Variants in ENOX2 observed in about 807,000 individuals in gnomAD.
The protein encoded by ENOX2 is ecto-NOX disulfide-thiol exchanger 2, also known as APK1 antigen.
ENOX2 carries 36 observed loss-of-function variants against 45.0 expected under a neutral mutation model. The ratio of observed to expected loss-of-function variants is 0.80; its 90% CI spans 0.61 to 1.06. ENOX2 has a LOEUF of 1.06. Among genes scored for constraint, ENOX2 ranks in the 50% least tolerant of loss-of-function variants. The pLI is 0.00. For synonymous variants in ENOX2, 174 were observed against 152.3 expected (o/e 1.14, Z -1.05); for missense variants, 423 against 462.5 (o/e 0.91, Z 0.78).
At chrX:130,895,973 C>CA (rs1189489953) in intron 2 of ENOX2, among the ~76,000 whole-genome samples, 1 of 112,446 alleles carries the variant, frequency 8.9e-6, no homozygotes, top group Non-Finnish European at 1.9e-5. Flanking sequence ...AAACAAATAG[C>CA]AAAAAGCAAT....
chrX:130,644,089 T>C (rs756860950), intron 10 of ENOX2, among the ~76,000 whole-genome samples: 1 of 111,936 alleles, frequency 8.9e-6, no homozygotes, highest in Admixed American at 9.4e-5. Context: ...AAGTAACACA[T>C]AGATTAAAAA....
intron 7 of ENOX2, among the ~76,000 whole-genome samples, chrX:130,669,259 GCTA>G: frequency 8.9e-6 from 1 of 112,109 alleles, no homozygotes; most frequent in South Asian, 3.8e-4. Context: ...CTGGATTTGA[GCTA>G]CTAAGACAGG....
At chrX:130,858,765 T>C (rs778396429) in intron 2 of ENOX2, among the ~76,000 whole-genome samples, 1 of 112,027 alleles carries the variant, frequency 8.9e-6, no homozygotes, top group South Asian at 3.7e-4. Flanking sequence ...ATGCTTCTCC[T>C]GCATCTGAGA....
intron 3 of ENOX2, among the ~76,000 whole-genome samples, chrX:130,726,424 C>A (rs1370229162): frequency 8.9e-6 from 1 of 112,408 alleles, no homozygotes; most frequent in Non-Finnish European, 1.9e-5. Context: ...TTACAGGCTT[C>A]TTCAATTTTC....
At chrX:130,777,360 G>A (rs947760746) in intron 3 of ENOX2, among the ~76,000 whole-genome samples, 1 of 109,276 alleles carries the variant, frequency 9.2e-6, no homozygotes, top group African/African-American at 3.3e-5. Context: ...TTATCCAGGT[G>A]TGGTGGTGCA....
intron 2 of ENOX2, among the ~76,000 whole-genome samples, chrX:130,819,445 T>C (rs761325164): frequency 4.5e-5 from 5 of 112,082 alleles, no homozygotes; most frequent in Admixed American, 1.9e-4. Context: ...TGCAGCACTA[T>C]TGACAATAGC....
chrX:130,649,043 C>CAA (rs35154919), intron 10 of ENOX2, among the ~76,000 whole-genome samples: 390 of 6,800 alleles, frequency 0.057, 95 homozygotes, highest in Non-Finnish European at 0.083. Context: ...GACTCCATAT[C>CAA]AAAAAAAAAA....
chrX:130,855,558 AT>A (rs1176968486), intron 2 of ENOX2, among the ~76,000 whole-genome samples: 2 of 111,248 alleles, frequency 1.8e-5, no homozygotes, highest in Non-Finnish European at 3.8e-5. Context: ...TCCCAGCAAG[AT>A]TTTTTTTCAG....
At chrX:130,874,995 G>C (rs1311357655) in intron 2 of ENOX2, among the ~76,000 whole-genome samples, 2 of 111,759 alleles carry the variant, frequency 1.8e-5, no homozygotes, top group Non-Finnish European at 3.8e-5. Flanking sequence ...CCAATCAAAT[G>C]CAAGAAGTGT....
At chrX:130,885,179 T>C (rs780276192) in intron 2 of ENOX2, among the ~76,000 whole-genome samples, 1 of 112,317 alleles carries the variant, frequency 8.9e-6, no homozygotes, top group Non-Finnish European at 1.9e-5. Flanking sequence ...TATCCAAGAA[T>C]ACATTTTTCA....
intron 2 of ENOX2, among the ~76,000 whole-genome samples, chrX:130,792,533 G>A (rs1453229107): frequency 8.9e-6 from 1 of 112,460 alleles, no homozygotes; most frequent in Admixed American, 9.4e-5. Context: ...AGTGGCTCAC[G>A]CCTGTAATCC....
At chrX:130,788,688 G>C (rs769089162) in intron 2 of ENOX2, among the ~76,000 whole-genome samples, 1 of 112,208 alleles carries the variant, frequency 8.9e-6, no homozygotes, top group African/African-American at 3.2e-5. Flanking sequence ...ATTGTCCAAA[G>C]TCTTACGCAT....
At position 130,698,328 on chromosome X, in the gene ENOX2, G is replaced by A. The variant is rs781170375; in HGVS notation, c.97+4792C>T. ...TGTCCAAACCAAATGATGACGCCTC[G>A]GTCTTTTTTTTTTTAAAGGATGACC... is the stretch of plus-strand genomic sequence containing the variant. On this transcript the variant is annotated intron_variant, in intron 4 of 14. Coordinates refer to ENST00000394363, the MANE Select transcript of ENOX2 (RefSeq NM_006375.4). Among the ~76,000 whole-genome samples the A allele has an allele frequency of 2.7e-5, 3 of 109,414 alleles. No homozygotes were observed. The South Asian group carries it at 1.2e-3, about 44-fold the overall frequency.
intron 4 of ENOX2, among the ~76,000 whole-genome samples, chrX:130,694,063 G>T (rs2037687558): frequency 9.0e-6 from 1 of 111,600 alleles, no homozygotes; most frequent in Non-Finnish European, 1.9e-5. Flanking sequence ...TATCCCAGTT[G>T]ATATCATATA....
intron 3 of ENOX2, among the ~76,000 whole-genome samples, chrX:130,759,362 C>T (rs1444536858): frequency 9.2e-6 from 1 of 109,017 alleles, no homozygotes; most frequent in African/African-American, 3.3e-5. Flanking sequence ...GAGGCCGAGG[C>T]GGTTGGACCA....
At chrX:130,892,118 G>C (rs762398086) in intron 2 of ENOX2, among the ~76,000 whole-genome samples, 142 of 112,000 alleles carry the variant, frequency 1.3e-3, no homozygotes, top group African/African-American at 4.3e-3. Flanking sequence ...ACCGATGAAA[G>C]CTATCCTTGT....
Position 130,644,656 on chromosome X carries a change from T to C in ENOX2, c.1130-7246A>G, listed in dbSNP as rs762481393. 1.9e-4 allele frequency among the ~76,000 whole-genome samples: 21 copies of C among 111,790 alleles called. No individual in the cohort carries two copies. In the Admixed American group the frequency reaches 2.0e-3, roughly 11 times the overall value. On this transcript the variant is annotated intron_variant, in intron 10 of 14. Coordinates refer to ENST00000394363, the MANE Select transcript of ENOX2 (RefSeq NM_006375.4). ...GCCAATCTGAAAAGGCTACATACTA[T>C]AGGATTACAACTATATAATATTCTG...
chrX:130,735,093 A>G (rs1323686786), intron 3 of ENOX2, among the ~76,000 whole-genome samples: 1 of 112,333 alleles, frequency 8.9e-6, no homozygotes, highest in African/African-American at 3.2e-5. Context: ...CTCATTTTCC[A>G]TCTTCCCTAA....
intron 3 of ENOX2, among the ~76,000 whole-genome samples, 177 bp downstream of exon 3, chrX:130,783,370 G>A (rs945919720): frequency 1.8e-5 from 2 of 111,535 alleles, no homozygotes; most frequent in African/African-American, 3.3e-5. Context: ...ACAGTTATTC[G>A]TGTATGTGCT....
Sources: allele counts gnomAD v4.1 joint callset (sites outside exome capture counted in the v4.1 genomes callset), GRCh38; gene constraint gnomAD v4.1.1; transcripts MANE v1.5; gene names NCBI Gene and HGNC (gene_info 2026-07-23, HGNC 2026-07-21).